Variants in TMEM132B observed in about 807,000 individuals in gnomAD.
TMEM132B encodes the protein transmembrane protein 132B.
Under a neutral mutation model 90.8 loss-of-function variants are expected in TMEM132B, and 18 were observed. The ratio of observed to expected loss-of-function variants is 0.20; its 90% CI spans 0.14 to 0.29. The LOEUF is 0.29. Ranked by LOEUF, TMEM132B falls within the 10% of genes least tolerant of loss-of-function variation. The pLI is 1.00. For synonymous variants in TMEM132B, 504 were observed against 523.3 expected (o/e 0.96, Z 0.50); for missense variants, 1,096 against 1,326.8 (o/e 0.83, Z 2.70).
At chr12:125,435,131 T>A (rs7305928) in intron 3 of TMEM132B, among the ~76,000 whole-genome samples, 30,446 of 152,096 alleles carry the variant, frequency 0.2, 3,725 homozygotes, top group African/African-American at 0.35. Flanking sequence ...TTCCCTGACA[T>A]ATCTTGCTCA....
intron 3 of TMEM132B, among the ~76,000 whole-genome samples, chr12:125,508,050 G>A (rs1057215270): frequency 2.6e-5 from 4 of 152,168 alleles, no homozygotes; most frequent in African/African-American, 9.7e-5. Flanking sequence ...CACATTACAC[G>A]TGCACTATTA....
chr12:125,348,071 T>C (rs1468563920), intron 1 of TMEM132B, among the ~76,000 whole-genome samples: 2 of 152,124 alleles, frequency 1.3e-5, no homozygotes. Flanking sequence ...CTTTACCAAA[T>C]AGGATCAAAT....
chr12:125,592,634 A>G (rs1885342846), intron 5 of TMEM132B, among the ~76,000 whole-genome samples: 2 of 152,222 alleles, frequency 1.3e-5, no homozygotes, highest in Admixed American at 1.3e-4. Context: ...TCTGGAAAAC[A>G]TCAGCATCTT....
intron 4 of TMEM132B, among the ~76,000 whole-genome samples, chr12:125,578,937 T>A (rs1363675478): frequency 6.6e-6 from 1 of 152,162 alleles, no homozygotes; most frequent in Non-Finnish European, 1.5e-5. Flanking sequence ...CTGAGTTTAT[T>A]CTATTTTGAG....
intron 1 of TMEM132B, among the ~76,000 whole-genome samples, chr12:125,304,457 T>C (rs1256448540): frequency 6.6e-6 from 1 of 152,124 alleles, no homozygotes; most frequent in African/African-American, 2.4e-5. Flanking sequence ...CCTTCATGGA[T>C]TTTGCAATGA....
chr12:125,457,182 A>G (rs1428042171), intron 3 of TMEM132B, among the ~76,000 whole-genome samples: 1 of 152,232 alleles, frequency 6.6e-6, no homozygotes, highest in African/African-American at 2.4e-5. Flanking sequence ...GCTGATGGAC[A>G]GGGAGTGACC....
chr12:125,239,151 AAGAG>A (rs990912655), intron 1 of TMEM132B, among the ~76,000 whole-genome samples: 1 of 151,994 alleles, frequency 6.6e-6, no homozygotes, highest in Non-Finnish European at 1.5e-5. Flanking sequence ...GGGGTGGGGA[AAGAG>A]AGAGAGAAAG....
At chr12:125,462,429 G>A (rs1358075575) in intron 3 of TMEM132B, among the ~76,000 whole-genome samples, 1 of 152,196 alleles carries the variant, frequency 6.6e-6, no homozygotes, top group Non-Finnish European at 1.5e-5. Context: ...GTCTGGCAGT[G>A]AAGCTAGACC....
At chr12:125,260,512 C>CTTTTTTTT (rs58139864) in intron 1 of TMEM132B, among the ~76,000 whole-genome samples, 1 of 137,232 alleles carries the variant, frequency 7.3e-6, no homozygotes. Context: ...TAAGGTTTAC[C>CTTTTTTTT]TTTTTTTTTT....
At chr12:125,321,224 A>T (rs75198564) in intron 1 of TMEM132B, among the ~76,000 whole-genome samples, 1 of 152,158 alleles carries the variant, frequency 6.6e-6, no homozygotes, top group Admixed American at 6.5e-5. Flanking sequence ...GTTATGTGAC[A>T]TCTCTCAATT....
chr12:125,356,289 A>G (rs1341788017), intron 2 of TMEM132B, among the ~76,000 whole-genome samples: 3 of 152,230 alleles, frequency 2.0e-5, no homozygotes, highest in Non-Finnish European at 4.4e-5. Flanking sequence ...ACTCTGCCAC[A>G]TACCAGCTGT....
At chr12:125,619,691 G>C (rs978036007) in intron 5 of TMEM132B, among the ~76,000 whole-genome samples, 9 of 152,262 alleles carry the variant, frequency 5.9e-5, no homozygotes, top group Admixed American at 5.2e-4. Flanking sequence ...CTGGGCATGT[G>C]GTCTCTGTGG....
chr12:125,236,873 A>G (rs939746480), intron 1 of TMEM132B, among the ~76,000 whole-genome samples: 3 of 152,244 alleles, frequency 2.0e-5, no homozygotes, highest in Non-Finnish European at 2.9e-5. Flanking sequence ...GCAGACCCCA[A>G]GACAAAGATT....
chr12:125,368,936 T>C (rs1878213278), intron 2 of TMEM132B, among the ~76,000 whole-genome samples: 1 of 152,228 alleles, frequency 6.6e-6, no homozygotes, highest in Admixed American at 6.5e-5. Context: ...GTTTGTTACA[T>C]ATGTATACAT....
intron 4 of TMEM132B, among the ~76,000 whole-genome samples, chr12:125,552,380 G>T (rs1461625111): frequency 1.3e-5 from 2 of 152,182 alleles, no homozygotes; most frequent in Admixed American, 1.3e-4. Context: ...GACAGAGGGG[G>T]GTGCCCTGGT....
chr12:125,576,069 G>T (rs1884934276), intron 4 of TMEM132B, among the ~76,000 whole-genome samples: 1 of 152,064 alleles, frequency 6.6e-6, no homozygotes, highest in Admixed American at 6.6e-5. Context: ...TATTTGGGGA[G>T]TGTTGACATC....
chr12:125,299,244 C>A (rs1875751730), intron 1 of TMEM132B, among the ~76,000 whole-genome samples: 1 of 152,192 alleles, frequency 6.6e-6, no homozygotes. Context: ...GTCAAAGTCA[C>A]CCCACTGTCT....
At chr12:125,243,382 C>T (rs1874134105) in intron 1 of TMEM132B, among the ~76,000 whole-genome samples, 1 of 151,266 alleles carries the variant, frequency 6.6e-6, no homozygotes, top group Non-Finnish European at 1.5e-5. Flanking sequence ...TCTTGGCTCA[C>T]TGCAACCTCT....
chr12:125,288,754 C>T (rs1187636459), intron 1 of TMEM132B, among the ~76,000 whole-genome samples: 4 of 152,130 alleles, frequency 2.6e-5, no homozygotes, highest in African/African-American at 7.2e-5. Flanking sequence ...CACTAGATGC[C>T]GGTACCACTC....
Sources: allele counts gnomAD v4.1 joint callset (sites outside exome capture counted in the v4.1 genomes callset), GRCh38; gene constraint gnomAD v4.1.1; transcripts MANE v1.5; gene names NCBI Gene and HGNC (gene_info 2026-07-23, HGNC 2026-07-21).